Variants in SV2B observed in about 807,000 individuals in gnomAD.
SV2B encodes the protein synaptic vesicle glycoprotein 2B.
Under a neutral mutation model 73.9 loss-of-function variants are expected in SV2B, and 41 were observed. The observed-to-expected ratio is 0.56, with a 90% CI of 0.43 to 0.72. SV2B has a LOEUF of 0.72. SV2B is among the 30% of genes least tolerant of loss of function. The pLI, the probability that SV2B is intolerant of heterozygous loss-of-function variation, is 0.00. For synonymous variants in SV2B, 314 were observed against 314.2 expected, an observed-to-expected ratio of 1.00 and a Z score of 0.01; for missense variants, 764 against 857.8, an observed-to-expected ratio of 0.89 and a Z score of 1.37.
chr15:91,125,183 C>T (rs546198565), intron 1 of SV2B, among the ~76,000 whole-genome samples: 8 of 152,304 alleles, frequency 5.3e-5, no homozygotes, highest in African/African-American at 1.9e-4. Flanking sequence ...CTAAAGGTCT[C>T]ATTGTAACAT....
At chr15:91,153,650 G>A (rs898184647) in intron 1 of SV2B, among the ~76,000 whole-genome samples, 4 of 152,090 alleles carry the variant, frequency 2.6e-5, no homozygotes, top group Non-Finnish European at 5.9e-5. Flanking sequence ...GCCAAGGGCC[G>A]GTGCCTGGGT....
At chr15:91,244,436 A>G (rs2047145186) in intron 2 of SV2B, among the ~76,000 whole-genome samples, 1 of 152,228 alleles carries the variant, frequency 6.6e-6, no homozygotes, top group Non-Finnish European at 1.5e-5. Context: ...AAGACTAGAA[A>G]AGTCGAACAT....
At position 91,115,359 on chromosome 15, in the gene SV2B, T is replaced by C. The variant is rs1485898453; in HGVS notation, c.-392+14996T>C. 4.6e-5 allele frequency among the ~76,000 whole-genome samples: 7 copies of C among 152,114 alleles called. No homozygotes were observed. Among genetic ancestry groups the C allele is most frequent in the Non-Finnish European group, 1.0e-4 (7 of 68,022 alleles). The stretch of plus-strand genomic sequence containing the variant: ...AGTGTTGACGACTTTGAAAGTGGGC[T>C]ATTTCTCCATCTCCCCTTCCTTTTT... On this transcript the variant is annotated intron_variant, in intron 1 of 12. Coordinates refer to ENST00000394232, the MANE Select transcript of SV2B (RefSeq NM_001323032.3). This position sits in a 1 kb window ranked among gnomAD's most constrained non-coding sequence, Gnocchi z 4.3.
Position 91,130,975 on chromosome 15 carries a change from G to C in SV2B, c.-392+30612G>C, listed in dbSNP as rs1204511129. 6.6e-6 allele frequency among the ~76,000 whole-genome samples: 1 copy of C among 151,992 alleles called. No individual in the cohort carries two copies. Among genetic ancestry groups the C allele is most frequent in the Non-Finnish European group, 1.5e-5 (1 of 67,986 alleles). Reference sequence around the variant, plus strand: ...AACACATGGGAGGGTGTGGGGCTGAGAGCAGTCGGGGGTTAGCCTTAGAAA... The same window carrying C: ...AACACATGGGAGGGTGTGGGGCTGACAGCAGTCGGGGGTTAGCCTTAGAAA... On this transcript the variant is annotated intron_variant, in intron 1 of 12. Transcript: ENST00000394232. This position sits in a 1 kb window ranked among gnomAD's most constrained non-coding sequence, Gnocchi z 5.6.
Position 91,137,594 on chromosome 15 carries a change from T to TATACATATATTTC in SV2B, c.-392+37234_-392+37235insCATATATTTCATA, listed in dbSNP as rs2042872513. ...AATATATATATATATATTTCTCATATATATATATATTTCATATATATATTT... is the reference window on the plus strand; with the variant it reads ...AATATATATATATATATTTCTCATATATACATATATTTCATATATATATTTCATATATATATTT... On this transcript the variant is annotated intron_variant, in intron 1 of 12. Transcript: ENST00000394232. The surrounding 1 kb of genome is among the most constrained non-coding windows in gnomAD (Gnocchi z 4.9). Among the ~76,000 whole-genome samples, 1 of 75,204 alleles carries TATACATATATTTC rather than the reference T, an allele frequency of 1.3e-5. No homozygotes were observed. Among genetic ancestry groups the TATACATATATTTC allele is most frequent in the Non-Finnish European group, 3.1e-5 (1 of 32,484 alleles). The allele number at this position is 75,204 out of a possible 152,430, so 49.3% of individuals were successfully genotyped here.
intron 2 of SV2B, among the ~76,000 whole-genome samples, chr15:91,235,528 T>C (rs1567374770): frequency 6.6e-6 from 1 of 152,064 alleles, no homozygotes; most frequent in Non-Finnish European, 1.5e-5. Flanking sequence ...TAAGAGCAAT[T>C]TCACAATTAA....
At chr15:91,177,763 A>G (rs1596528354) in intron 1 of SV2B, among the ~76,000 whole-genome samples, 1 of 124,484 alleles carries the variant, frequency 8.0e-6, no homozygotes, top group Non-Finnish European at 1.7e-5. Context: ...ACTTTGCTGA[A>G]GTTGCTTATC....
At chr15:91,254,442 G>T (rs1011311481) in intron 4 of SV2B, among the ~76,000 whole-genome samples, 3 of 152,004 alleles carry the variant, frequency 2.0e-5, no homozygotes, top group African/African-American at 7.2e-5. Flanking sequence ...TCACCATGTT[G>T]GCCAGGCTGG....
chr15:91,250,001 C>T (rs2047420402), intron 2 of SV2B, among the ~76,000 whole-genome samples: 1 of 152,152 alleles, frequency 6.6e-6, no homozygotes, highest in Admixed American at 6.5e-5. Flanking sequence ...GGAATATTTA[C>T]AAACTCATTT....
chr15:91,190,555 ATTCTG>A (rs1400884304), intron 1 of SV2B, among the ~76,000 whole-genome samples: 1 of 152,130 alleles, frequency 6.6e-6, no homozygotes, highest in Admixed American at 6.5e-5. Flanking sequence ...CTTCTATTTC[ATTCTG>A]TTCTAAGTAT....
At chr15:91,184,680 C>T (rs2044706906) in intron 1 of SV2B, among the ~76,000 whole-genome samples, 1 of 152,138 alleles carries the variant, frequency 6.6e-6, no homozygotes, top group Non-Finnish European at 1.5e-5. Flanking sequence ...CTCATGACTT[C>T]TCTGTTGCTT....
intron 1 of SV2B, among the ~76,000 whole-genome samples, chr15:91,164,248 A>G (rs918677889): frequency 1.3e-5 from 2 of 152,226 alleles, no homozygotes; most frequent in Non-Finnish European, 2.9e-5. Flanking sequence ...GGAAAAAACT[A>G]CTTTAAAGTT....
At chr15:91,286,244 C>G (rs1030731576) in intron 11 of SV2B, among the ~76,000 whole-genome samples, 1 of 152,194 alleles carries the variant, frequency 6.6e-6, no homozygotes. Context: ...ATCTATTTCA[C>G]TAGGATATGG....
chr15:91,158,172 A>C (rs1381178888), intron 1 of SV2B, among the ~76,000 whole-genome samples: 1 of 151,860 alleles, frequency 6.6e-6, no homozygotes, highest in Non-Finnish European at 1.5e-5. Context: ...GCCTAATGAG[A>C]GGTGTTTGGG....
chr15:91,191,071 T>C (rs1297949756), intron 1 of SV2B, among the ~76,000 whole-genome samples: 1 of 128,950 alleles, frequency 7.8e-6, no homozygotes, highest in African/African-American at 3.0e-5. Flanking sequence ...TTCTTTTTTT[T>C]TTTTTTTTTT....
intron 1 of SV2B, among the ~76,000 whole-genome samples, chr15:91,169,081 G>A (rs1245743215): frequency 1.3e-5 from 2 of 152,138 alleles, no homozygotes; most frequent in Non-Finnish European, 2.9e-5. Context: ...TACATTTGAT[G>A]ATGAGGAGGT....
chr15:91,109,236 A>G (rs988445834), intron 1 of SV2B, among the ~76,000 whole-genome samples: 10 of 152,248 alleles, frequency 6.6e-5, no homozygotes, highest in African/African-American at 2.4e-4. Context: ...TAGATGCAAG[A>G]GAAGGTAATT....
chr15:91,285,619 G>A (rs1477070105), intron 11 of SV2B, among the ~76,000 whole-genome samples: 1 of 152,202 alleles, frequency 6.6e-6, no homozygotes, highest in Non-Finnish European at 1.5e-5. Context: ...ACTTCTTTGA[G>A]CTTCCATTTT....
In SV2B at chr15:91,230,657, A is replaced by G. The variant is rs113174118; in HGVS notation, c.451+3943A>G. Among the ~76,000 whole-genome samples the G allele has an allele frequency of 6.1e-3, 922 of 152,344 alleles. 5 individuals are homozygous for G. Among genetic ancestry groups the G allele is most frequent in the African/African-American group, 0.02 (820 of 41,564 alleles). On this transcript the variant is annotated intron_variant, in intron 2 of 12. Coordinates refer to ENST00000394232, the MANE Select transcript of SV2B (RefSeq NM_001323032.3). ...AGGAGTTGGTCTCCTTCAACTCTCA[A>G]TGAAGAAGGCATTCATTTGTTAATT... is the stretch of plus-strand genomic sequence containing the variant.
Sources: gnomAD v4.1 joint callset for allele counts (sites outside exome capture counted in the v4.1 genomes callset) on GRCh38, gnomAD v4.1.1 for gene constraint, Gnocchi (gnomAD v3.1) non-coding constraint, MANE v1.5 for transcripts, NCBI Gene and HGNC (gene_info 2026-07-23, HGNC 2026-07-21) for gene names.